The following MND1 variants were observed in gnomAD, a reference collection of about 807,000 sequenced individuals.
MND1 encodes meiotic nuclear divisions 1, also known as meiotic nuclear division protein 1 homolog.
MND1 carries 28 observed loss-of-function variants against 35.1 expected under a neutral mutation model. The observed-to-expected ratio is 0.80, with a 90% CI of 0.59 to 1.09. The LOEUF is 1.09. Ranked by LOEUF, MND1 falls within the 50% of genes least tolerant of loss-of-function variation. The probability of loss-of-function intolerance (pLI) is 0.00; values close to 1 mark genes in which losing one functional copy is unlikely to be tolerated. For synonymous variants in MND1, 69 were observed against 70.5 expected, an observed-to-expected ratio of 0.98 and a Z score of 0.11; for missense variants, 213 against 239.6, an observed-to-expected ratio of 0.89 and a Z score of 0.73.
chr4:153,407,029 C>T (rs189874961), intron 6 of MND1, among the ~76,000 whole-genome samples: 16 of 152,262 alleles, frequency 1.1e-4, no homozygotes, highest in Admixed American at 6.5e-4. Context: ...AGGAAAGACC[C>T]GCCCTCATAA....
At chr4:153,359,666 G>T (rs909845937) in intron 4 of MND1, among the ~76,000 whole-genome samples, 2 of 152,006 alleles carry the variant, frequency 1.3e-5, no homozygotes, top group Non-Finnish European at 2.9e-5. Context: ...TCACATCACT[G>T]CCAGGATTTG....
chr4:153,401,104 A>C (rs182587374), intron 6 of MND1, among the ~76,000 whole-genome samples: 1 of 152,012 alleles, frequency 6.6e-6, no homozygotes, highest in Non-Finnish European at 1.5e-5. Flanking sequence ...TAAAGAATTT[A>C]AAAAATATGA....
chr4:153,353,687 T>C (rs1240719462), intron 2 of MND1, among the ~76,000 whole-genome samples: 1 of 151,864 alleles, frequency 6.6e-6, no homozygotes, highest in Non-Finnish European at 1.5e-5. Context: ...AAGAACTGTA[T>C]CCCAATTTTT....
intron 2 of MND1, among the ~76,000 whole-genome samples, chr4:153,351,268 A>G (rs182119269): frequency 7.2e-5 from 11 of 152,312 alleles, no homozygotes; most frequent in Admixed American, 4.6e-4. Flanking sequence ...GGCTGTTTCT[A>G]ACTGAAAAAT....
chr4:153,384,443 A>ATTTTT (rs561004288), intron 4 of MND1, among the ~76,000 whole-genome samples: 97 of 63,204 alleles, frequency 1.5e-3, no homozygotes, highest in Middle Eastern at 0.012. Flanking sequence ...CTAATGTTTA[A>ATTTTT]TTTTTTTTTT....
At chr4:153,348,997 T>C (rs1773142332) in intron 1 of MND1, among the ~76,000 whole-genome samples, 1 of 152,146 alleles carries the variant, frequency 6.6e-6, no homozygotes, top group African/African-American at 2.4e-5. Flanking sequence ...TTATATTCCT[T>C]TATAATCCCC....
chr4:153,353,257 G>A (rs144609457), intron 2 of MND1, among the ~76,000 whole-genome samples: 84 of 151,046 alleles, frequency 5.6e-4, no homozygotes, highest in African/African-American at 1.9e-3. Context: ...CTAAATTTGC[G>A]AACTCTTAGG....
intron 2 of MND1, among the ~76,000 whole-genome samples, chr4:153,354,570 A>G (rs1296669671): frequency 6.6e-6 from 1 of 152,072 alleles, no homozygotes. Context: ...TGGCACAGTC[A>G]TAGCTTACTG....
chr4:153,382,156 C>G (rs1561068923), intron 4 of MND1: 1 of 151,990 alleles, frequency 6.6e-6, no homozygotes, highest in Admixed American at 6.6e-5. Context: ...GGGCCTTGTT[C>G]AGGTTCCTCA....
intron 5 of MND1, among the ~76,000 whole-genome samples, chr4:153,396,631 A>C (rs966981661): frequency 6.6e-6 from 1 of 152,200 alleles, no homozygotes; most frequent in African/African-American, 2.4e-5. Flanking sequence ...ATGGCTAGAC[A>C]TTTCAAATGG....
intron 2 of MND1, among the ~76,000 whole-genome samples, chr4:153,354,414 A>T (rs145308685): frequency 1.3e-5 from 2 of 152,230 alleles, no homozygotes; most frequent in Non-Finnish European, 2.9e-5. Flanking sequence ...GTGTTTTCTT[A>T]AAGTGTCAGA....
At chr4:153,391,002 T>C (rs1314972602) in intron 4 of MND1, among the ~76,000 whole-genome samples, 1 of 152,026 alleles carries the variant, frequency 6.6e-6, no homozygotes, top group Non-Finnish European at 1.5e-5. Flanking sequence ...GGATAATGTC[T>C]ACCTGTCTGG....
At chr4:153,412,144 T>C (rs976285713) in intron 7 of MND1, among the ~76,000 whole-genome samples, 2 of 152,356 alleles carry the variant, frequency 1.3e-5, no homozygotes, top group East Asian at 1.9e-4. Context: ...CATAACACTT[T>C]GATTGAAAGA....
chr4:153,365,808 G>GA (rs1185518775), intron 4 of MND1, among the ~76,000 whole-genome samples: 1 of 152,112 alleles, frequency 6.6e-6, no homozygotes, highest in Non-Finnish European at 1.5e-5. Context: ...GTGGATTTGT[G>GA]AAAAAATTGT....
chr4:153,408,195 G>A (rs762648750), intron 6 of MND1, among the ~76,000 whole-genome samples: 2 of 152,142 alleles, frequency 1.3e-5, no homozygotes, highest in African/African-American at 2.4e-5. Flanking sequence ...GCTTAAGCCC[G>A]CCAGTTTGAG....
intron 7 of MND1, among the ~76,000 whole-genome samples, chr4:153,412,117 A>G (rs749238626): frequency 3.9e-5 from 6 of 152,232 alleles, no homozygotes; most frequent in African/African-American, 4.8e-5. Flanking sequence ...AGATCATTTT[A>G]ATATCTGTTG....
chr4:153,348,980 A>G (rs1218679431), intron 1 of MND1, among the ~76,000 whole-genome samples: 2 of 152,204 alleles, frequency 1.3e-5, no homozygotes, highest in African/African-American at 4.8e-5. Flanking sequence ...CTTTTTAAGC[A>G]AACAATTTAT....
At chr4:153,370,353 C>T (rs539890772) in intron 4 of MND1, among the ~76,000 whole-genome samples, 1 of 152,186 alleles carries the variant, frequency 6.6e-6, no homozygotes, top group South Asian at 2.1e-4. Context: ...CATCTTTATT[C>T]TCTGCTTCTC....
At chr4:153,385,929 A>G (rs936206495) in intron 4 of MND1, among the ~76,000 whole-genome samples, 5 of 152,066 alleles carry the variant, frequency 3.3e-5, no homozygotes, top group African/African-American at 4.8e-5. Context: ...TCCAGAGGGC[A>G]GGGAGAGTTG....
Sources: gnomAD v4.1 joint callset for allele counts (sites outside exome capture counted in the v4.1 genomes callset) on GRCh38, gnomAD v4.1.1 for gene constraint, MANE v1.5 for transcripts, NCBI Gene and HGNC (gene_info 2026-07-23, HGNC 2026-07-21) for gene names.